FANCB: variants seen among roughly 807,000 people sequenced by gnomAD.
FANCB encodes FA complementation group B, also known as Fanconi anemia group B protein.
Under a neutral mutation model 38.9 loss-of-function variants are expected in FANCB, and 5 were observed. The observed-to-expected ratio is 0.13, with a 90% CI of 0.07 to 0.27. The LOEUF (loss-of-function observed/expected upper bound fraction) is 0.27, where lower values mean the gene tolerates loss of function less well. Among genes scored for constraint, FANCB ranks in the 10% least tolerant of loss-of-function variants. FANCB has a pLI of 1.00. For synonymous variants in FANCB, 236 were observed against 215.4 expected, an observed-to-expected ratio of 1.10 and a Z score of -0.84; for missense variants, 573 against 602.7, an observed-to-expected ratio of 0.95 and a Z score of 0.52.
chrX:14,751,445 G>A, the FANCB span, among the ~76,000 whole-genome samples: 1 of 111,907 alleles, frequency 8.9e-6, no homozygotes, highest in Non-Finnish European at 1.9e-5. Context: ...AATCTGCACC[G>A]TTAGAGAGAA....
chrX:14,706,289 ATTCACTAGCACATTAAAGCTTG>A, the FANCB span, among the ~76,000 whole-genome samples: 2 of 111,886 alleles, frequency 1.8e-5, no homozygotes, highest in African/African-American at 6.5e-5. Context: ...TTCTCAGGAG[ATTCACTAGCACATTAAAGCTTG>A]AGAAGTGCTG....
the FANCB span, among the ~76,000 whole-genome samples, chrX:14,727,375 G>C: frequency 5.4e-5 from 6 of 112,062 alleles, no homozygotes; most frequent in South Asian, 2.2e-3. Flanking sequence ...ATAAGCCTTG[G>C]AGCAGGCACA....
At chrX:14,749,182 G>A in the FANCB span, among the ~76,000 whole-genome samples, 2 of 111,756 alleles carry the variant, frequency 1.8e-5, no homozygotes, top group African/African-American at 6.5e-5. Flanking sequence ...AGGGTAAGGA[G>A]GACAAATTTT....
chrX:14,869,536 A>T (rs1228863733), intron 1 of FANCB, among the ~76,000 whole-genome samples: 1 of 111,859 alleles, frequency 8.9e-6, no homozygotes, highest in Non-Finnish European at 1.9e-5. Context: ...AAAGCTTCTT[A>T]ATTAGTCTTC....
At chrX:14,691,224 T>C in the FANCB span, among the ~76,000 whole-genome samples, 1 of 110,219 alleles carries the variant, frequency 9.1e-6, no homozygotes. Context: ...GGATATATAC[T>C]TGATTTGACA....
chrX:14,735,232 T>A, the FANCB span, among the ~76,000 whole-genome samples: 1 of 110,608 alleles, frequency 9.0e-6, no homozygotes, highest in African/African-American at 3.3e-5. Flanking sequence ...CCTACTTCTG[T>A]CAATTCATCA....
At chrX:14,826,122 C>G in the FANCB span, among the ~76,000 whole-genome samples, 1 of 112,378 alleles carries the variant, frequency 8.9e-6, no homozygotes, top group Non-Finnish European at 1.9e-5. Context: ...AAATTTCAAT[C>G]TGCCTTTTAG....
chrX:14,843,405 T>C lies in FANCB; in HGVS notation c.*162A>G, dbSNP rs2092360970. 2 of 423,073 alleles carry C rather than the reference T, an allele frequency of 4.7e-6. No homozygotes were observed. Among genetic ancestry groups the C allele is most frequent in the East Asian group, 3.9e-5 (1 of 25,605 alleles). 34.9% of individuals were successfully genotyped at this position (423,073 alleles called of 1,213,427 possible). A position where few individuals can be genotyped will look rare whatever the true frequency, so the allele number is the denominator to read the frequency against. On this transcript the variant is annotated 3_prime_UTR_variant, in exon 10 of 10. Coordinates refer to ENST00000650831, the MANE Select transcript of FANCB (RefSeq NM_001018113.3). ...GGAGAGGGAGATAAAATGGCCCTAG[T>C]TGAGAACCACTGCTGTTTATTTTGT...
the FANCB span, among the ~76,000 whole-genome samples, chrX:14,705,082 G>C: frequency 8.9e-6 from 1 of 112,166 alleles, no homozygotes; most frequent in Non-Finnish European, 1.9e-5. Context: ...AACTCATCTT[G>C]TTATTGTCAG....
the FANCB span, among the ~76,000 whole-genome samples, chrX:14,750,873 G>A: frequency 9.5e-6 from 1 of 105,744 alleles, no homozygotes; most frequent in Non-Finnish European, 1.9e-5. Flanking sequence ...AGAAGCTAAT[G>A]GGAAGACATT....
chrX:14,799,281 C>T, the FANCB span, among the ~76,000 whole-genome samples: 6 of 112,171 alleles, frequency 5.3e-5, no homozygotes, highest in East Asian at 1.4e-3. Context: ...TCCACACTTT[C>T]ACTATTTTCT....
intron 9 of FANCB, 82 bp downstream of exon 9, chrX:14,844,421 T>G: frequency 2.9e-6 from 2 of 687,964 alleles, no homozygotes; most frequent in East Asian, 6.4e-5. Context: ...ACAAAACACA[T>G]GCGGATCGCT....
At chrX:14,743,574 TTC>T in the FANCB span, among the ~76,000 whole-genome samples, 278 of 65,854 alleles carry the variant, frequency 4.2e-3, 1 homozygote, top group African/African-American at 0.018. Flanking sequence ...GTGTATTTCT[TTC>T]TTTTTTTTTT....
At chrX:14,819,821 C>T in the FANCB span, among the ~76,000 whole-genome samples, 1 of 111,327 alleles carries the variant, frequency 9.0e-6, no homozygotes, top group African/African-American at 3.3e-5. Flanking sequence ...TGCCTTACGA[C>T]TACCCTGATC....
the FANCB span, among the ~76,000 whole-genome samples, chrX:14,824,193 T>C: frequency 8.1e-5 from 9 of 111,783 alleles, no homozygotes; most frequent in East Asian, 2.8e-4. Flanking sequence ...ATGTTCCTCA[T>C]AGATAAGAAA....
At chrX:14,854,776 T>C (rs769869853) in intron 5 of FANCB, among the ~76,000 whole-genome samples, 37 of 111,706 alleles carry the variant, frequency 3.3e-4, no homozygotes, top group African/African-American at 1.0e-3. Flanking sequence ...AATCAAAAAG[T>C]AGCATTCCAG....
At chrX:14,798,051 G>A in the FANCB span, among the ~76,000 whole-genome samples, 1 of 111,654 alleles carries the variant, frequency 9.0e-6, no homozygotes, top group Admixed American at 9.5e-5. Flanking sequence ...GCAAGCGGGT[G>A]TGAAAACTTC....
chrX:14,701,995 G>A, the FANCB span, among the ~76,000 whole-genome samples: 1 of 112,330 alleles, frequency 8.9e-6, no homozygotes, highest in Non-Finnish European at 1.9e-5. Flanking sequence ...TGAGGACAAA[G>A]CATCTTCTCC....
At chrX:14,820,540 T>C in the FANCB span, among the ~76,000 whole-genome samples, 5 of 112,105 alleles carry the variant, frequency 4.5e-5, no homozygotes, top group South Asian at 1.1e-3. Context: ...GTTTAGCTGA[T>C]AGGAGACACA....
Sources: allele counts gnomAD v4.1 joint callset (sites outside exome capture counted in the v4.1 genomes callset), GRCh38; gene constraint gnomAD v4.1.1; transcripts MANE v1.5; gene names NCBI Gene and HGNC (gene_info 2026-07-23, HGNC 2026-07-21).